The following SEMA3A variants were observed in gnomAD, a reference collection of about 807,000 sequenced individuals.
SEMA3A encodes semaphorin-3A.
In SEMA3A, 29 loss-of-function variants were observed where a neutral mutation model predicts 97.9. That is an observed-to-expected ratio of 0.30 (90% CI 0.22 to 0.40). The LOEUF is 0.40. Among genes scored for constraint, SEMA3A ranks in the 10% least tolerant of loss-of-function variants. SEMA3A has a pLI of 1.00. For missense variants in SEMA3A, 763 were observed against 951.3 expected (o/e 0.80, Z 2.60); for synonymous variants, 321 against 323.7 (o/e 0.99, Z 0.09).
intron 14 of SEMA3A, among the ~76,000 whole-genome samples, chr7:83,981,046 T>C (rs1404092352): frequency 6.6e-6 from 1 of 152,116 alleles, no homozygotes; most frequent in Non-Finnish European, 1.5e-5. Context: ...TGGATAGAAA[T>C]AGAAGAACAT....
chr7:84,391,010 A>G (rs1360798625), intron 1 of SEMA3A, among the ~76,000 whole-genome samples: 1 of 152,156 alleles, frequency 6.6e-6, no homozygotes, highest in Non-Finnish European at 1.5e-5. Context: ...TGTAGCTTGC[A>G]ATCCAGGGTT....
Position 84,344,080 on chromosome 7 carries a change from CA to C in SEMA3A, c.-169+27743del, listed in dbSNP as rs200930839. On this transcript the variant is annotated intron_variant, in intron 2 of 3. Coordinates refer to the SEMA3A transcript ENST00000424555. Reference sequence around the variant, plus strand: ...TAAAGAAAGAAGTAATCTGACTTTACAAAAAATACATTAATACTTATGCAAA... The same window carrying C: ...TAAAGAAAGAAGTAATCTGACTTTACAAAAATACATTAATACTTATGCAAA... 9.2e-5 allele frequency among the ~76,000 whole-genome samples: 14 copies of C among 151,750 alleles called. No homozygotes were observed. In the East Asian group the frequency reaches 2.3e-3, roughly 25 times the overall value.
chr7:84,000,953 T>C (rs936808712), intron 12 of SEMA3A, among the ~76,000 whole-genome samples: 1 of 152,140 alleles, frequency 6.6e-6, no homozygotes, highest in African/African-American at 2.4e-5. Flanking sequence ...ATCCAGCCTA[T>C]TCATTTTATA....
chr7:84,453,368 C>T (rs558819845), intron 1 of SEMA3A, among the ~76,000 whole-genome samples: 1 of 151,856 alleles, frequency 6.6e-6, no homozygotes, highest in East Asian at 1.9e-4. Flanking sequence ...TCCCGAGTAG[C>T]TGGGACTACA....
At chr7:84,396,805 T>C (rs1803746475) in intron 1 of SEMA3A, among the ~76,000 whole-genome samples, 1 of 151,986 alleles carries the variant, frequency 6.6e-6, no homozygotes, top group South Asian at 2.1e-4. Context: ...CTCAAAAAAA[T>C]CACCTAGGAC....
chr7:84,435,643 A>G (rs535226712), intron 1 of SEMA3A, among the ~76,000 whole-genome samples: 2 of 152,272 alleles, frequency 1.3e-5, no homozygotes, highest in African/African-American at 4.8e-5. Context: ...TACAAGGAGA[A>G]CTACAAAACA....
At chr7:83,998,747 G>C (rs1444562573) in intron 12 of SEMA3A, among the ~76,000 whole-genome samples, 3 of 151,816 alleles carry the variant, frequency 2.0e-5, no homozygotes. Flanking sequence ...TTACATTCTT[G>C]TTTGATAAAT....
chr7:84,048,821 G>A (rs1193373185), intron 5 of SEMA3A, among the ~76,000 whole-genome samples: 1 of 151,912 alleles, frequency 6.6e-6, no homozygotes, highest in Non-Finnish European at 1.5e-5. Flanking sequence ...TTTCTTTAGG[G>A]TAAGAAAATC....
chr7:84,170,227 C>T (rs1015926878), intron 1 of SEMA3A, among the ~76,000 whole-genome samples: 11 of 151,848 alleles, frequency 7.2e-5, no homozygotes, highest in African/African-American at 1.4e-4. Flanking sequence ...ATTTTAAACA[C>T]GCGTTGCTTT....
chr7:84,128,609 T>C (rs1795868832), intron 3 of SEMA3A, among the ~76,000 whole-genome samples: 1 of 152,200 alleles, frequency 6.6e-6, no homozygotes, highest in African/African-American at 2.4e-5. Context: ...GTTCCAAAAT[T>C]GAATACTATC....
At position 84,219,145 on chromosome 7, in the gene SEMA3A, AT is replaced by A. The variant is rs1294977151; in HGVS notation, c.-82-24478del. On this transcript the variant is annotated intron_variant, in intron 3 of 3. Transcript: ENST00000424555. The stretch of plus-strand genomic sequence containing the variant: ...AATAAAATAAACCAGTGACAAAAAA[AT>A]CATCTTCAATAAAAATTAAAAGGAC... 3.3e-5 allele frequency among the ~76,000 whole-genome samples: 5 copies of A among 152,300 alleles called. No homozygotes were observed. In the South Asian group the frequency reaches 8.3e-4, roughly 25 times the overall value.
chr7:83,999,460 A>G (rs753254301), intron 12 of SEMA3A, among the ~76,000 whole-genome samples: 11 of 152,248 alleles, frequency 7.2e-5, no homozygotes, highest in Non-Finnish European at 1.3e-4. Flanking sequence ...TATTTTTACA[A>G]TGTCGTGATA....
At chr7:84,271,321 G>A (rs908567641) in intron 3 of SEMA3A, among the ~76,000 whole-genome samples, 5 of 151,956 alleles carry the variant, frequency 3.3e-5, no homozygotes, top group Non-Finnish European at 5.9e-5. Context: ...CCATGTAGCT[G>A]GGACTACAGG....
intron 12 of SEMA3A, among the ~76,000 whole-genome samples, chr7:83,991,648 C>T (rs991596512): frequency 6.6e-6 from 1 of 151,880 alleles, no homozygotes; most frequent in East Asian, 1.9e-4. Flanking sequence ...ATTGAACCAG[C>T]GTTGCATCCC....
intron 3 of SEMA3A, among the ~76,000 whole-genome samples, chr7:84,245,683 G>C (rs1799461296): frequency 6.6e-6 from 1 of 151,904 alleles, no homozygotes; most frequent in Non-Finnish European, 1.5e-5. Context: ...ACCAGTGGAG[G>C]CTGCAGAACA....
At chr7:84,407,657 C>G (rs186450545) in intron 1 of SEMA3A, among the ~76,000 whole-genome samples, 1 of 151,890 alleles carries the variant, frequency 6.6e-6, no homozygotes, top group Admixed American at 6.6e-5. Flanking sequence ...TACAAGGCTA[C>G]AGTAACCAAA....
intron 1 of SEMA3A, among the ~76,000 whole-genome samples, chr7:84,393,450 A>C (rs622514): frequency 0.43 from 65,533 of 151,988 alleles, 15,298 homozygotes; most frequent in African/African-American, 0.6. Context: ...AACTATAGTG[A>C]AAAGCAATAG....
chr7:84,287,847 T>C (rs1432686975), intron 3 of SEMA3A, among the ~76,000 whole-genome samples: 1 of 152,098 alleles, frequency 6.6e-6, no homozygotes, highest in Non-Finnish European at 1.5e-5. Context: ...TATAAGACAA[T>C]GAGAAGGACT....
intron 2 of SEMA3A, among the ~76,000 whole-genome samples, chr7:84,333,197 T>C (rs1292598276): frequency 1.3e-5 from 2 of 152,160 alleles, no homozygotes; most frequent in Non-Finnish European, 2.9e-5. Context: ...AAATCCTCAG[T>C]TGAAGCACCT....
Sources: gnomAD v4.1 joint callset for allele counts (sites outside exome capture counted in the v4.1 genomes callset) on GRCh38, gnomAD v4.1.1 for gene constraint, MANE v1.5 for transcripts, NCBI Gene and HGNC (gene_info 2026-07-23, HGNC 2026-07-21) for gene names.